CALN1: variants seen among roughly 807,000 people sequenced by gnomAD.
CALN1 encodes calneuron 1.
CALN1 carries 17 observed loss-of-function variants against 30.6 expected under a neutral mutation model. The ratio of observed to expected loss-of-function variants is 0.56; its 90% CI spans 0.38 to 0.83. The LOEUF (loss-of-function observed/expected upper bound fraction) is 0.83, where lower values mean the gene tolerates loss of function less well. Among genes scored for constraint, CALN1 ranks in the 40% least tolerant of loss-of-function variants. CALN1 has a pLI of 0.00. For synonymous variants in CALN1, 156 were observed against 131.4 expected, an observed-to-expected ratio of 1.19 and a Z score of -1.28; for missense variants, 291 against 354.9, an observed-to-expected ratio of 0.82 and a Z score of 1.45.
rs1425948873 is a variant in CALN1, at chr7:71,786,339, GAAAAGT to G, written c.*1430_*1435del. The G allele has an allele frequency of 6.6e-6, 1 of 152,186 alleles. No individual in the cohort carries two copies. Among genetic ancestry groups the G allele is most frequent in the African/African-American group, 2.4e-5 (1 of 41,448 alleles). The allele number at this position is 152,186 out of a possible 1,614,324, so 9.4% of individuals were successfully genotyped here. A position where few individuals can be genotyped will look rare whatever the true frequency, so the allele number is the denominator to read the frequency against. ...ATTACAAAATAAAGACCTGAGCTTG[GAAAAGT>G]ACAAAGGGAACTATTACATCTAGAG... On this transcript the variant is annotated 3_prime_UTR_variant, in exon 7 of 7. Coordinates refer to ENST00000395275, the MANE Select transcript of CALN1 (RefSeq NM_031468.4).
At chr7:72,087,684 T>C (rs1206768118) in intron 4 of CALN1, among the ~76,000 whole-genome samples, 2 of 151,938 alleles carry the variant, frequency 1.3e-5, no homozygotes, top group African/African-American at 4.8e-5. Flanking sequence ...GAAATATATG[T>C]ATGAGAATAT....
intron 4 of CALN1, among the ~76,000 whole-genome samples, chr7:72,027,726 AACACACACACACACACAC>A (rs111705413): frequency 7.0e-6 from 1 of 143,320 alleles, no homozygotes; most frequent in Admixed American, 7.1e-5. Flanking sequence ...CAAACAAACA[AACACACACACACACACAC>A]ACACACACAC....
chr7:71,858,791 T>C (rs977924862), intron 5 of CALN1, among the ~76,000 whole-genome samples: 1 of 152,168 alleles, frequency 6.6e-6, no homozygotes, highest in African/African-American at 2.4e-5. Flanking sequence ...CTAACCAATG[T>C]ACATTTTACA....
At chr7:72,096,992 AG>A (rs1432642356) in intron 4 of CALN1, among the ~76,000 whole-genome samples, 1 of 152,192 alleles carries the variant, frequency 6.6e-6, no homozygotes, top group Non-Finnish European at 1.5e-5. Flanking sequence ...AAAAAGGATG[AG>A]TTCATATCCT....
intron 4 of CALN1, among the ~76,000 whole-genome samples, chr7:72,063,640 A>G (rs1412596251): frequency 1.3e-5 from 2 of 152,240 alleles, no homozygotes. Context: ...AAACTTGGAT[A>G]GTATAACTGA....
At chr7:72,353,477 T>A (rs1468889017) in intron 2 of CALN1, among the ~76,000 whole-genome samples, 1 of 152,140 alleles carries the variant, frequency 6.6e-6, no homozygotes, top group African/African-American at 2.4e-5. Flanking sequence ...AAGAAAAAAT[T>A]ACAATCATCC....
intron 4 of CALN1, among the ~76,000 whole-genome samples, chr7:72,091,312 CAGAGTGAGACTCCGTCTCAAACAG>C (rs1358652123): frequency 3.3e-5 from 5 of 152,234 alleles, no homozygotes; most frequent in Non-Finnish European, 5.9e-5. Context: ...GTCTGGGTGA[CAGAGTGAGACTCCGTCTCAAACAG>C]ACAAACAAAC....
At chr7:72,164,363 AAAAAAG>A (rs1269628870) in intron 3 of CALN1, among the ~76,000 whole-genome samples, 51 of 148,078 alleles carry the variant, frequency 3.4e-4, no homozygotes, top group Admixed American at 4.7e-4. Context: ...AAAAAAAAAA[AAAAAAG>A]AAGAAGAAGA....
At chr7:71,977,868 G>T (rs572169593) in intron 5 of CALN1, among the ~76,000 whole-genome samples, 1 of 150,338 alleles carries the variant, frequency 6.7e-6, no homozygotes, top group Non-Finnish European at 1.5e-5. Flanking sequence ...GGAAGCAGAC[G>T]TTGCAGTGAG....
In CALN1 at chr7:72,062,511, C is replaced by CAAA. The variant is rs376093442; in HGVS notation, c.389-38745_389-38743dup. On this transcript the variant is annotated intron_variant, in intron 4 of 6. Transcript: ENST00000395275. ...TGGACGACAGAGTGAGACTCTATCT[C>CAAA]AAAAAAAAAAAAAAAAAAAGAAAAA... 7.8e-3 allele frequency among the ~76,000 whole-genome samples: 460 copies of CAAA among 59,248 alleles called. 4 individuals are homozygous for CAAA. Among genetic ancestry groups the CAAA allele is most frequent in the African/African-American group, 0.034 (440 of 12,954 alleles). The allele number at this position is 59,248 out of a possible 152,430, so 38.9% of individuals were successfully genotyped here.
chr7:72,063,613 G>A (rs189499606), intron 4 of CALN1, among the ~76,000 whole-genome samples: 61 of 152,212 alleles, frequency 4.0e-4, no homozygotes, highest in African/African-American at 1.4e-3. Context: ...TCCATGTACT[G>A]GCAGCTGAAA....
chr7:72,234,174 T>C (rs768692315), intron 3 of CALN1, among the ~76,000 whole-genome samples: 7 of 152,268 alleles, frequency 4.6e-5, no homozygotes, highest in African/African-American at 7.2e-5. Flanking sequence ...TAGAGGCAGT[T>C]TGCAGGTAAT....
chr7:72,487,906 GAAA>G, the CALN1 span, among the ~76,000 whole-genome samples: 1 of 67,794 alleles, frequency 1.5e-5, no homozygotes, highest in African/African-American at 7.0e-5. Context: ...AAGAAAGAAA[GAAA>G]GAAAGAAAGA....
intron 2 of CALN1, among the ~76,000 whole-genome samples, chr7:72,294,750 T>TAATAAATAAATA (rs58274123): frequency 0.11 from 15,884 of 147,728 alleles, 1,445 homozygotes; most frequent in East Asian, 0.29. Flanking sequence ...TCTAAAAAAG[T>TAATAAATAAATA]AATAAATAAA....
intron 5 of CALN1, among the ~76,000 whole-genome samples, chr7:71,832,660 G>A (rs1440688405): frequency 6.6e-6 from 1 of 152,086 alleles, no homozygotes; most frequent in Non-Finnish European, 1.5e-5. Context: ...GAGTGCAGTG[G>A]CACAATCTTG....
At chr7:72,085,518 C>T (rs910549435) in intron 4 of CALN1, among the ~76,000 whole-genome samples, 2 of 152,016 alleles carry the variant, frequency 1.3e-5, no homozygotes, top group African/African-American at 4.8e-5. Flanking sequence ...ATAGTATATA[C>T]AGGGTTTGGT....
At chr7:72,143,535 A>G (rs547742902) in intron 3 of CALN1, among the ~76,000 whole-genome samples, 1 of 152,342 alleles carries the variant, frequency 6.6e-6, no homozygotes, top group Admixed American at 6.5e-5. Flanking sequence ...AATGGAACCA[A>G]GTTGGAAAAC....
At chr7:72,349,158 G>A (rs949962633) in intron 2 of CALN1, among the ~76,000 whole-genome samples, 1 of 152,092 alleles carries the variant, frequency 6.6e-6, no homozygotes, top group Non-Finnish European at 1.5e-5. Flanking sequence ...AGCAGAGAAA[G>A]AATGCTGGCT....
At chr7:72,475,203 C>T in the CALN1 span, among the ~76,000 whole-genome samples, 1 of 152,122 alleles carries the variant, frequency 6.6e-6, no homozygotes, top group African/African-American at 2.4e-5. Context: ...GTGGCTCAGG[C>T]CTGTGATCCC....
Sources: gnomAD v4.1 joint callset for allele counts (sites outside exome capture counted in the v4.1 genomes callset) on GRCh38, gnomAD v4.1.1 for gene constraint, MANE v1.5 for transcripts, NCBI Gene and HGNC (gene_info 2026-07-23, HGNC 2026-07-21) for gene names.